The following SLIT3 variants were observed in gnomAD, a reference collection of about 807,000 sequenced individuals.
The protein encoded by SLIT3 is slit homolog 3 protein.
In SLIT3, 68 loss-of-function variants were observed where a neutral mutation model predicts 184.0. The observed-to-expected ratio is 0.37, with a 90% confidence interval of 0.30 to 0.45. The LOEUF is 0.45. SLIT3 is among the 20% of genes least tolerant of loss of function. SLIT3 has a pLI of 1.00. For missense variants in SLIT3, 1,707 were observed against 2,026.0 expected (o/e 0.84, Z 3.02); for synonymous variants, 831 against 828.6 (o/e 1.00, Z -0.05).
intron 1 of SLIT3, among the ~76,000 whole-genome samples, chr5:169,252,214 C>A (rs1283145417): frequency 6.6e-6 from 1 of 152,222 alleles, no homozygotes; most frequent in Admixed American, 6.5e-5. Flanking sequence ...GGCCACATCT[C>A]ATTTAACTCC....
chr5:169,092,059 T>C (rs1759608264), intron 4 of SLIT3, among the ~76,000 whole-genome samples: 2 of 152,082 alleles, frequency 1.3e-5, no homozygotes, highest in Admixed American at 1.3e-4. Flanking sequence ...CCATCTCTAC[T>C]AAAAAATACA....
chr5:168,707,795 G>T, intron 26 of SLIT3, 181 bp downstream of exon 26: 3 of 638,342 alleles, frequency 4.7e-6, no homozygotes, highest in Non-Finnish European at 2.7e-6. Context: ...GGCAGCTCCC[G>T]CTAGTTCAGA....
chr5:168,771,006 G>A (rs943385569), intron 14 of SLIT3, among the ~76,000 whole-genome samples: 2 of 152,150 alleles, frequency 1.3e-5, no homozygotes, highest in African/African-American at 2.4e-5. Flanking sequence ...ACGCAGGGCC[G>A]CCACATCCAT....
chr5:169,227,607 T>C (rs1764857644), intron 3 of SLIT3, among the ~76,000 whole-genome samples: 2 of 152,146 alleles, frequency 1.3e-5, no homozygotes, highest in Admixed American at 6.5e-5. Flanking sequence ...TTTCTATTTT[T>C]AGTAGAGGCA....
chr5:169,208,410 CA>C, intron 3 of SLIT3, among the ~76,000 whole-genome samples: 1 of 152,228 alleles, frequency 6.6e-6, no homozygotes, highest in Admixed American at 6.5e-5. Context: ...CACTTGGTTG[CA>C]ATTGTGAATG....
At chr5:168,681,240 G>T (rs1383633619) in intron 32 of SLIT3, among the ~76,000 whole-genome samples, 1 of 152,186 alleles carries the variant, frequency 6.6e-6, no homozygotes, top group African/African-American at 2.4e-5. Context: ...ATTTGATTTT[G>T]CTGTGGAACC....
At chr5:168,868,910 C>G (rs1320265540) in intron 5 of SLIT3, among the ~76,000 whole-genome samples, 6 of 152,110 alleles carry the variant, frequency 3.9e-5, no homozygotes, top group Non-Finnish European at 7.4e-5. Flanking sequence ...AAGAGAAAAT[C>G]TCACCTATTC....
chr5:169,249,510 A>G (rs1279073912), intron 2 of SLIT3, among the ~76,000 whole-genome samples: 6 of 152,242 alleles, frequency 3.9e-5, no homozygotes, highest in Non-Finnish European at 7.3e-5. Flanking sequence ...TAACGCTAAG[A>G]AAATCAAGGG....
intron 4 of SLIT3, among the ~76,000 whole-genome samples, chr5:169,101,296 C>T (rs954278598): frequency 6.6e-6 from 1 of 152,214 alleles, no homozygotes; most frequent in African/African-American, 2.4e-5. Context: ...TGAATGGTTC[C>T]TCTTCACAGG....
chr5:168,842,475 T>TTTTTG (rs5873127), intron 6 of SLIT3, among the ~76,000 whole-genome samples: 26,097 of 131,684 alleles, frequency 0.2, 3,156 homozygotes, highest in South Asian at 0.32. Flanking sequence ...TTTCGTTTTT[T>TTTTTG]TTTTTTTTTT....
intron 2 of SLIT3, among the ~76,000 whole-genome samples, chr5:169,247,729 G>A (rs1031456952): frequency 6.6e-6 from 1 of 152,214 alleles, no homozygotes; most frequent in African/African-American, 2.4e-5. Flanking sequence ...GTGGTGCAAG[G>A]TGCTGGGACT....
At chr5:168,858,537 T>C (rs1294349511) in intron 5 of SLIT3, among the ~76,000 whole-genome samples, 2 of 152,226 alleles carry the variant, frequency 1.3e-5, no homozygotes, top group East Asian at 1.9e-4. Context: ...GCCATCCAAA[T>C]GCCACTTACA....
chr5:169,073,128 T>C (rs1400395693), intron 4 of SLIT3, among the ~76,000 whole-genome samples: 1 of 152,198 alleles, frequency 6.6e-6, no homozygotes, highest in East Asian at 1.9e-4. Context: ...TGAAGGCTCC[T>C]TTTCATACAC....
chr5:168,908,274 G>A (rs1761143294), intron 4 of SLIT3, among the ~76,000 whole-genome samples: 1 of 152,080 alleles, frequency 6.6e-6, no homozygotes, highest in African/African-American at 2.4e-5. Flanking sequence ...CAGTGTCTAT[G>A]GCAGATGCTT....
intron 26 of SLIT3, among the ~76,000 whole-genome samples, chr5:168,705,143 T>C (rs1762338379): frequency 6.6e-6 from 1 of 152,138 alleles, no homozygotes; most frequent in Non-Finnish European, 1.5e-5. Context: ...AGGTCCTAAA[T>C]AGTCAGGGAT....
intron 1 of SLIT3, among the ~76,000 whole-genome samples, chr5:169,255,734 T>C (rs1387130935): frequency 1.3e-5 from 2 of 151,990 alleles, no homozygotes; most frequent in Admixed American, 1.3e-4. Context: ...ATACAAAAAA[T>C]TAGCCGAGCG....
intron 3 of SLIT3, among the ~76,000 whole-genome samples, chr5:169,207,138 A>G (rs1392293806): frequency 1.3e-5 from 2 of 151,618 alleles, no homozygotes; most frequent in Non-Finnish European, 2.9e-5. Flanking sequence ...ATAGTTTAAG[A>G]GCCCCCGCTC....
At chr5:168,707,673 A>G in intron 26 of SLIT3, 1 of 289,530 alleles carries the variant, frequency 3.5e-6, no homozygotes, top group Non-Finnish European at 6.5e-6. Flanking sequence ...ACTTGGAAAC[A>G]CTTTTTCTCT....
intron 5 of SLIT3, among the ~76,000 whole-genome samples, chr5:168,860,921 G>A (rs187545932): frequency 2.6e-4 from 39 of 152,248 alleles, no homozygotes; most frequent in Non-Finnish European, 4.1e-4. Flanking sequence ...ATGACATGCT[G>A]TGCCTCTCAT....
Sources: allele counts gnomAD v4.1 joint callset (sites outside exome capture counted in the v4.1 genomes callset), GRCh38; gene constraint gnomAD v4.1.1; transcripts MANE v1.5; gene names NCBI Gene and HGNC (gene_info 2026-07-23, HGNC 2026-07-21).